ASZ1: variants seen among roughly 807,000 people sequenced by gnomAD.
ASZ1 encodes ankyrin repeat, SAM and basic leucine zipper domain containing 1.
ASZ1 carries 67 observed loss-of-function variants against 61.8 expected under a neutral mutation model. The observed-to-expected ratio is 1.08, with a 90% CI of 0.89 to 1.33. The LOEUF (loss-of-function observed/expected upper bound fraction) is 1.33. Ranked by LOEUF, ASZ1 falls within the 40% of genes most tolerant of loss-of-function variation. The pLI is 0.00. For synonymous variants in ASZ1, 193 were observed against 192.7 expected (o/e 1.00, Z -0.01); for missense variants, 577 against 554.5 (o/e 1.04, Z -0.41).
chr7:117,420,054 A>G (rs1797071109), intron 4 of ASZ1, 109 bp downstream of exon 4: 3 of 685,232 alleles, frequency 4.4e-6, no homozygotes, highest in Non-Finnish European at 7.2e-6. Context: ...AACTATTTTC[A>G]TTCATCAACT....
chr7:117,368,802 A>T, intron 10 of ASZ1, 85 bp from the exon 11 acceptor site: 3 of 1,578,958 alleles, frequency 1.9e-6, no homozygotes, highest in Non-Finnish European at 2.6e-6. Flanking sequence ...CTGAAAATCT[A>T]GTCATAAAAT....
chr7:117,372,343 TTAC>T (rs1372022936), intron 10 of ASZ1, among the ~76,000 whole-genome samples: 1 of 152,146 alleles, frequency 6.6e-6, no homozygotes, highest in African/African-American at 2.4e-5. Flanking sequence ...TGATTGGAAG[TTAC>T]TGTGTAACTT....
chr7:117,381,174 C>A, intron 8 of ASZ1, 107 bp from the exon 9 acceptor site: 1 of 953,948 alleles, frequency 1.0e-6, no homozygotes, highest in Non-Finnish European at 1.6e-6. Context: ...GAAGCAAATT[C>A]CAATTTTCTA....
intron 10 of ASZ1, among the ~76,000 whole-genome samples, chr7:117,373,772 T>G (rs539114483): frequency 1.3e-5 from 2 of 152,334 alleles, no homozygotes; most frequent in South Asian, 4.1e-4. Flanking sequence ...ATTCTGCACA[T>G]TCTTTACATT....
At chr7:117,413,315 A>C (rs568600400) in intron 4 of ASZ1, among the ~76,000 whole-genome samples, 35 of 151,988 alleles carry the variant, frequency 2.3e-4, no homozygotes, top group Admixed American at 3.9e-4. Flanking sequence ...CTTGAGCACC[A>C]ATTTTCTGTT....
intron 4 of ASZ1, among the ~76,000 whole-genome samples, chr7:117,401,262 T>C (rs1359617212): frequency 6.6e-6 from 1 of 152,096 alleles, no homozygotes; most frequent in Non-Finnish European, 1.5e-5. Context: ...AAGCAGTATC[T>C]TAAGACATAC....
chr7:117,406,737 A>G (rs1743014099), intron 4 of ASZ1, among the ~76,000 whole-genome samples: 2 of 148,598 alleles, frequency 1.3e-5, no homozygotes, highest in African/African-American at 5.0e-5. Flanking sequence ...TGGGCAACAA[A>G]GAGCGAAACT....
intron 10 of ASZ1, among the ~76,000 whole-genome samples, chr7:117,379,168 T>TATACACACACACACACAC (rs1161457624): frequency 1.4e-5 from 1 of 69,726 alleles, no homozygotes; most frequent in African/African-American, 5.5e-5. Flanking sequence ...TATATATATA[T>TATACACACACACACACAC]ACACACACAC....
chr7:117,388,901 A>G (rs1562851341), intron 4 of ASZ1, among the ~76,000 whole-genome samples: 1 of 152,228 alleles, frequency 6.6e-6, no homozygotes, highest in Admixed American at 6.5e-5. Context: ...CTCCACAAAA[A>G]AAGTACTAGA....
chr7:117,404,882 C>T (rs1043002300), intron 4 of ASZ1, among the ~76,000 whole-genome samples: 2 of 152,052 alleles, frequency 1.3e-5, no homozygotes, highest in African/African-American at 4.8e-5. Flanking sequence ...TTATTCATCT[C>T]GAATCTAGAG....
chr7:117,426,730 AT>A, intron 2 of ASZ1, 105 bp downstream of exon 2: 1 of 988,578 alleles, frequency 1.0e-6, no homozygotes, highest in East Asian at 2.5e-5. Flanking sequence ...ATACATTAAC[AT>A]TTGTTGCGTT....
chr7:117,405,378 C>T (rs906156007), intron 4 of ASZ1, among the ~76,000 whole-genome samples: 2 of 152,246 alleles, frequency 1.3e-5, no homozygotes, highest in Non-Finnish European at 2.9e-5. Context: ...GTAACTGATG[C>T]ACCCTTGCCT....
At chr7:117,424,953 T>A (rs1223563712) in intron 2 of ASZ1, among the ~76,000 whole-genome samples, 1 of 152,198 alleles carries the variant, frequency 6.6e-6, no homozygotes, top group African/African-American at 2.4e-5. Context: ...CCAACAACCC[T>A]TTGATATAAT....
At chr7:117,377,089 C>T (rs1489959265) in intron 10 of ASZ1, among the ~76,000 whole-genome samples, 8 of 152,012 alleles carry the variant, frequency 5.3e-5, no homozygotes, top group Non-Finnish European at 1.0e-4. Flanking sequence ...AATGTACAGT[C>T]GAGACACAAA....
At chr7:117,363,773 A>G in intron 12 of ASZ1, 25 bp from the exon 13 acceptor site, 5 of 1,535,638 alleles carry the variant, frequency 3.3e-6, no homozygotes, top group Non-Finnish European at 4.4e-6. Flanking sequence ...GGAAAAAGAA[A>G]AGAGGAGTTA....
At chr7:117,385,585 C>T in intron 5 of ASZ1, 113 bp downstream of exon 5, 1 of 870,554 alleles carries the variant, frequency 1.1e-6, no homozygotes, top group Non-Finnish European at 1.8e-6. Flanking sequence ...TTTTTTTCAC[C>T]AGATAGCAAT....
intron 4 of ASZ1, among the ~76,000 whole-genome samples, chr7:117,412,237 T>G (rs1475515257): frequency 6.6e-6 from 1 of 151,836 alleles, no homozygotes; most frequent in Non-Finnish European, 1.5e-5. Context: ...TCCATATTAT[T>G]TTAATATCTT....
chr7:117,423,280 C>T (rs1223998658), intron 2 of ASZ1, among the ~76,000 whole-genome samples: 1 of 151,470 alleles, frequency 6.6e-6, no homozygotes, highest in Non-Finnish European at 1.5e-5. Context: ...GTATAAACAC[C>T]GGGTCACTGA....
In ASZ1 at chr7:117,383,119, A is replaced by T; in HGVS notation, c.688-9T>A. 2 of 1,535,950 alleles carry T rather than the reference A, an allele frequency of 1.3e-6. No individual in the cohort carries two copies. Among genetic ancestry groups the T allele is most frequent in the East Asian group, 4.9e-5 (2 of 41,096 alleles). On this transcript the variant is annotated splice_polypyrimidine_tract_variant and intron_variant, in intron 6 of 12. Coordinates refer to ENST00000284629, the MANE Select transcript of ASZ1 (RefSeq NM_130768.3). Reference sequence around the variant, plus strand: ...GAAAGTAAGTTGAAGATCTGAAAAAAGTTAACATCATTCAAATATAATTAA... The same window carrying T: ...GAAAGTAAGTTGAAGATCTGAAAAATGTTAACATCATTCAAATATAATTAA...
Sources: gnomAD v4.1 joint callset for allele counts (sites outside exome capture counted in the v4.1 genomes callset) on GRCh38, gnomAD v4.1.1 for gene constraint, MANE v1.5 for transcripts, NCBI Gene and HGNC (gene_info 2026-07-23, HGNC 2026-07-21) for gene names.